SPAG5: variants seen among roughly 807,000 people sequenced by gnomAD.
SPAG5 encodes the protein sperm associated antigen 5.
SPAG5 carries 99 observed loss-of-function variants against 145.4 expected under a neutral mutation model. The ratio of observed to expected loss-of-function variants is 0.68; its 90% confidence interval spans 0.58 to 0.80. The LOEUF is 0.80. SPAG5 is among the 30% of genes least tolerant of loss of function. The pLI is 0.00. For synonymous variants in SPAG5, 477 were observed against 525.4 expected, an observed-to-expected ratio of 0.91 and a Z score of 1.26; for missense variants, 1,192 against 1,416.0, an observed-to-expected ratio of 0.84 and a Z score of 2.54.
chr17:28,598,637 T>C lies in SPAG5; in HGVS notation c.52-2A>G. The C allele has an allele frequency of 6.3e-7, 1 of 1,589,044 alleles. No individual in the cohort carries two copies. Among genetic ancestry groups the C allele is most frequent in the Non-Finnish European group, 8.6e-7 (1 of 1,165,332 alleles). The stretch of plus-strand genomic sequence containing the variant: ...AGGAGTTCTCATAGATGGTTTTCCC[T>C]GAGAAAGAAACCAAGAAAGAGGGCG... On this transcript the variant is annotated splice_acceptor_variant, in intron 1 of 23. Transcript: ENST00000321765. LOFTEE classifies it high-confidence loss of function.
Position 28,593,054 on chromosome 17 carries a change from T to G in SPAG5, c.190A>C (p.Asn64His). The G allele has an allele frequency of 6.2e-7, 1 of 1,612,864 alleles. No individual in the cohort carries two copies. The highest frequency in any genetic ancestry group is 8.5e-7 in the Non-Finnish European group (1 of 1,178,954). Residue 64 changes from asparagine to histidine, a missense_variant, in exon 3 of 24, where the codon AAC (asparagine) becomes CAC (histidine). Transcript: ENST00000321765. ...TTTACAAAATCCACTGGAGATGAGT[T>G]GTTGCTGCCTTCCTGCCAAAGGAAA... The part of the protein sequence containing the change: ...CKLGLQEGSN[N>H]SSPVDFVNNK...
At chr17:28,598,050 A>G (rs1249940174) in intron 2 of SPAG5, among the ~76,000 whole-genome samples, 1 of 152,180 alleles carries the variant, frequency 6.6e-6, no homozygotes, top group African/African-American at 2.4e-5. Context: ...CAAAAGTACA[A>G]ATCAGTGAGG....
chr17:28,592,420 A>G lies in SPAG5; in HGVS notation c.824T>C (p.Met275Thr). ...GGGAAACCTCATTTCTCTTTCCTCC[A>G]TAGCTCCATGCTCTACAATTTCCTC... ...PEEEIVEHGA[M>T]EEREMRFPTH... The change falls in exon 3 of 24, where the codon ATG (methionine) becomes ACG (threonine). Residue 275 changes from methionine to threonine, a missense_variant. Transcript: ENST00000321765. The G allele has an allele frequency of 1.2e-6, 2 of 1,613,884 alleles. No individual in the cohort carries two copies. The highest frequency in any genetic ancestry group is 1.7e-6 in the Non-Finnish European group (2 of 1,180,024).
At chr17:28,598,814 A>C (rs1597600839) in intron 1 of SPAG5, 82 bp downstream of exon 1, 1 of 1,568,730 alleles carries the variant, frequency 6.4e-7, no homozygotes. Flanking sequence ...GCTCGACCCA[A>C]CTTTCCAGGA....
chr17:28,598,574 T>G lies in SPAG5; in HGVS notation c.113A>C (p.Asn38Thr), dbSNP rs201551752. The G allele has an allele frequency of 1.2e-6, 2 of 1,613,396 alleles. No homozygotes were observed. The highest frequency in any genetic ancestry group is 2.7e-5 in the African/African-American group (2 of 74,822). The change falls in exon 2 of 24, where the codon AAC becomes ACC. Residue 38 changes from asparagine (N) to threonine (T), a missense_variant. Asn to Thr is a moderately conservative substitution (Grantham distance 65). Coordinates refer to ENST00000321765, the MANE Select transcript of SPAG5 (RefSeq NM_006461.4). The part of the protein sequence containing the change: ...ELTLQPGALT[N>T]SGKRSPACSS... ...GCAAGCGGGGGATCTTTTTCCAGAG[T>G]TGGTGAGGGCACCGGGCTGCAGGGT...
chr17:28,583,917 G>A lies in SPAG5; in HGVS notation c.2482C>T (p.Leu828=), dbSNP rs2070565702. 4 of 1,614,068 alleles carry A rather than the reference G, an allele frequency of 2.5e-6. No individual in the cohort carries two copies. Among genetic ancestry groups the A allele is most frequent in the South Asian group, 1.1e-5 (1 of 91,090 alleles). The part of the protein sequence containing the change: ...GQVECQLKTT[L]EVLRERSLQC... ...AAGCTGCGCTCCCGGAGCACTTCCA[G>A]TGTGGTTTTCAATTGACACTCAACC... Residue 828 remains leucine, a synonymous_variant, in exon 14 of 24, where the codon CTG becomes TTG. Transcript: ENST00000321765.
At position 28,579,400 on chromosome 17, in the gene SPAG5, A is replaced by C. The variant is rs781491549; in HGVS notation, c.2970T>G (p.Ser990=). ...LQSLCSLLQE[S]KEEAIRTLQR... ...GCAGAGTCCTGATGGCTTCTTCTTT[A>C]GACTCTTGTAGCAGGGAACAAAGAC... is the stretch of plus-strand genomic sequence containing the variant. Residue 990 remains serine (S), a synonymous_variant, in exon 18 of 24, where the codon TCT becomes TCG. Transcript: ENST00000321765. 3.7e-6 allele frequency: 6 copies of C among 1,614,188 alleles called. No individual in the cohort carries two copies. Among genetic ancestry groups the C allele is most frequent in the African/African-American group, 1.3e-5 (1 of 75,048 alleles).
At position 28,599,015 on chromosome 17, in the gene SPAG5, T is replaced by C; in HGVS notation, c.-69A>G. ...GGACGCCATGTTCACCCGCCGTCTG[T>C]GTTTGAACCTGCTCTGCGCTTCCTG... is the stretch of plus-strand genomic sequence containing the variant. On this transcript the variant is annotated 5_prime_UTR_variant, in exon 1 of 24. Transcript: ENST00000321765. The C allele has an allele frequency of 6.7e-7, 1 of 1,486,162 alleles. No individual in the cohort carries two copies. Among genetic ancestry groups the C allele is most frequent in the South Asian group, 1.1e-5 (1 of 88,468 alleles). 92.1% of individuals were successfully genotyped at this position (1,486,162 alleles called of 1,614,324 possible). A position where few individuals can be genotyped will look rare whatever the true frequency, so the allele number is the denominator to read the frequency against.
At chr17:28,586,063 C>T (rs1329798506) in intron 6 of SPAG5, 27 bp downstream of exon 6, 1 of 1,613,602 alleles carries the variant, frequency 6.2e-7, no homozygotes, top group Admixed American at 1.7e-5. Context: ...CACCACAGGC[C>T]TCCACCTCCA....
chr17:28,585,044 T>C, intron 10 of SPAG5, 58 bp downstream of exon 10: 1 of 1,441,950 alleles, frequency 6.9e-7, no homozygotes, highest in Non-Finnish European at 9.8e-7. Context: ...AAGAGGCTAA[T>C]GGTATCACAC....
At chr17:28,591,629 G>A in intron 4 of SPAG5, 69 bp downstream of exon 4, 1 of 1,433,168 alleles carries the variant, frequency 7.0e-7, no homozygotes. Flanking sequence ...TTGCCCTCTG[G>A]CAGCTTCTCA....
rs753659260 is a variant in SPAG5, at chr17:28,579,260, A to C, written c.3006-8T>G. 6.8e-6 allele frequency: 11 copies of C among 1,613,980 alleles called. No individual in the cohort carries two copies. The highest frequency in any genetic ancestry group is 2.7e-5 in the African/African-American group (2 of 74,926). ...CTAGCTTGCAGCTCACAACTGAAGGAAGGAAGAATTTAGCAACATTCCTGT... is the reference window on the plus strand; with the variant it reads ...CTAGCTTGCAGCTCACAACTGAAGGCAGGAAGAATTTAGCAACATTCCTGT... On this transcript the variant is annotated splice_polypyrimidine_tract_variant and splice_region_variant and intron_variant, in intron 18 of 23. Coordinates refer to ENST00000321765, the MANE Select transcript of SPAG5 (RefSeq NM_006461.4).
intron 2 of SPAG5, among the ~76,000 whole-genome samples, chr17:28,596,307 A>G (rs1367268804): frequency 2.0e-5 from 3 of 152,222 alleles, no homozygotes; most frequent in Admixed American, 6.5e-5. Flanking sequence ...CCCAGCAGTT[A>G]AGAGGGAAGG....
At position 28,579,451 on chromosome 17, in the gene SPAG5, C is replaced by A. The variant is rs765126624; in HGVS notation, c.2919G>T (p.Met973Ile). The A allele has an allele frequency of 4.3e-6, 7 of 1,613,956 alleles. No homozygotes were observed. The South Asian group carries it at 4.4e-5, about 10-fold the overall frequency. ...TPGMEESLAE[M>I]SIMTTELQSL... is the part of the protein sequence containing the mutation. ...TCTGAAGCTCAGTAGTCATAATACT[C>A]ATTTCTGCCAGGCTCTCCTCCATGC... The change falls in exon 18 of 24, where the codon ATG becomes ATT. Residue 973 changes from methionine to isoleucine, a missense_variant. Coordinates refer to ENST00000321765, the MANE Select transcript of SPAG5 (RefSeq NM_006461.4).
At chr17:28,591,955 G>A (rs749769561) in intron 3 of SPAG5, 27 bp downstream of exon 3, 27 of 1,610,994 alleles carry the variant, frequency 1.7e-5, no homozygotes, top group Middle Eastern at 1.7e-4. Flanking sequence ...TGGAACTCAC[G>A]AGGTGCAAGG....
intron 9 of SPAG5, 36 bp downstream of exon 9, chr17:28,585,279 TGTGA>T (rs1308380191): frequency 4.3e-6 from 7 of 1,611,552 alleles, no homozygotes; most frequent in Non-Finnish European, 5.9e-6. Flanking sequence ...CAGGACTTGA[TGTGA>T]GTAAGGAATT....
At position 28,579,857 on chromosome 17, in the gene SPAG5, T is replaced by A. The variant is rs761872203; in HGVS notation, c.2798-20A>T. 1 of 1,609,012 alleles carries A rather than the reference T, an allele frequency of 6.2e-7. No individual in the cohort carries two copies. Among genetic ancestry groups the A allele is most frequent in the East Asian group, 2.2e-5 (1 of 44,866 alleles). ...CTGGCTCTAAGAGAAAAACCAATAA[T>A]GGGAGAGGGCCCCTCTGATGATCCA... On this transcript the variant is annotated intron_variant, in intron 16 of 23. Transcript: ENST00000321765.
At chr17:28,586,390 G>A in intron 5 of SPAG5, 35 bp downstream of exon 5, 1 of 1,528,718 alleles carries the variant, frequency 6.5e-7, no homozygotes, top group Non-Finnish European at 9.1e-7. Context: ...CTTCACAGGA[G>A]ACCCAGTGGT....
chr17:28,595,067 G>A (rs576938468), intron 2 of SPAG5, among the ~76,000 whole-genome samples: 4 of 151,912 alleles, frequency 2.6e-5, no homozygotes, highest in South Asian at 4.2e-4. Context: ...AGTGCAGCTG[G>A]GCCAACATGG....
Sources: gnomAD v4.1 joint callset for allele counts (sites outside exome capture counted in the v4.1 genomes callset) on GRCh38, gnomAD v4.1.1 for gene constraint, MANE v1.5 for transcripts, NCBI Gene and HGNC (gene_info 2026-07-23, HGNC 2026-07-21) for gene names.